Variants in NDUFA10 observed in about 807,000 individuals in gnomAD.
The protein encoded by NDUFA10 is NADH dehydrogenase [ubiquinone] 1 alpha subcomplex subunit 10, mitochondrial.
In NDUFA10, 40 loss-of-function variants were observed where a neutral mutation model predicts 47.8. That is an observed-to-expected ratio of 0.84 (90% confidence interval 0.65 to 1.09). The LOEUF is 1.09. Ranked by LOEUF, NDUFA10 falls within the 50% of genes least tolerant of loss-of-function variation. The pLI is 0.00. For missense variants in NDUFA10, 413 were observed against 451.1 expected (o/e 0.92, Z 0.76); for synonymous variants, 183 against 172.2 (o/e 1.06, Z -0.49).
Position 239,906,136 on chromosome 2 carries a change from G to A in NDUFA10, c.295-10822C>T, listed in dbSNP as rs904155714. Among the ~76,000 whole-genome samples the A allele has an allele frequency of 1.3e-5, 2 of 152,246 alleles. No individual in the cohort carries two copies. The highest frequency in any genetic ancestry group is 3.4e-3 in the Middle Eastern group (1 of 294). ...AGCTCATGACCTTCGGGGGCTCTGG[G>A]CGGGCCCTGCTCTGTGCCTAGATAT... On this transcript the variant is annotated intron_variant, in intron 4 of 5. Coordinates refer to the NDUFA10 transcript ENST00000419408. This position sits in a 1 kb window ranked among gnomAD's most constrained non-coding sequence, Gnocchi z 4.3.
chr2:239,967,189 G>A (rs1386577996), intron 9 of NDUFA10, among the ~76,000 whole-genome samples: 2 of 152,326 alleles, frequency 1.3e-5, no homozygotes, highest in South Asian at 4.1e-4. Flanking sequence ...ATTTAATAAC[G>A]CCAAGATGCT....
chr2:239,915,382 G>GAGATACAC (rs1693844065), intron 4 of NDUFA10, among the ~76,000 whole-genome samples: 2 of 101,826 alleles, frequency 2.0e-5, no homozygotes, highest in South Asian at 6.2e-4. Context: ...CACAGAGACA[G>GAGATACAC]AGATACACAT....
chr2:239,961,861 G>A (rs1694865580), intron 9 of NDUFA10, among the ~76,000 whole-genome samples: 1 of 152,226 alleles, frequency 6.6e-6, no homozygotes, highest in Non-Finnish European at 1.5e-5. Context: ...GGGGGGCTGA[G>A]CTTGGCAGTG....
intron 8 of NDUFA10, 87 bp from the exon 9 acceptor site, chr2:239,990,269 CA>C: frequency 9.3e-7 from 1 of 1,073,568 alleles, no homozygotes; most frequent in Non-Finnish European, 1.4e-6. Flanking sequence ...TTTAAACATC[CA>C]TATAAAAAAT....
chr2:239,973,053 G>A (rs1302196076), intron 9 of NDUFA10, among the ~76,000 whole-genome samples: 1 of 152,166 alleles, frequency 6.6e-6, no homozygotes, highest in Admixed American at 6.5e-5. Context: ...TCTTCTTCGA[G>A]GGACACATGC....
At chr2:240,022,399 T>G in intron 1 of NDUFA10, 59 bp from the exon 2 acceptor site, 1 of 1,609,300 alleles carries the variant, frequency 6.2e-7, no homozygotes, top group Admixed American at 1.7e-5. Context: ...CTGTAGGCAT[T>G]AGTAACTATT....
intron 4 of NDUFA10, among the ~76,000 whole-genome samples, chr2:239,903,988 C>A (rs74962610): frequency 0.017 from 2,553 of 152,284 alleles, 87 homozygotes; most frequent in African/African-American, 0.058. Flanking sequence ...AGCACAGAGT[C>A]CAGACGCCCT....
At chr2:240,006,617 A>G (rs1476914768) in intron 7 of NDUFA10, among the ~76,000 whole-genome samples, 1 of 152,268 alleles carries the variant, frequency 6.6e-6, no homozygotes, top group Non-Finnish European at 1.5e-5. Flanking sequence ...AAAATACAAA[A>G]TAAAAAACTT....
chr2:239,929,277 G>C (rs1694117879), intron 4 of NDUFA10, among the ~76,000 whole-genome samples: 1 of 152,204 alleles, frequency 6.6e-6, no homozygotes, highest in Non-Finnish European at 1.5e-5. Flanking sequence ...ATGGGTTACG[G>C]AGGACGGTAC....
intron 9 of NDUFA10, among the ~76,000 whole-genome samples, chr2:239,963,179 G>A (rs898302282): frequency 6.6e-6 from 1 of 152,344 alleles, no homozygotes; most frequent in African/African-American, 2.4e-5. Context: ...AGCTCCTTCA[G>A]GAGTTTGAAA....
chr2:239,984,318 T>C (rs1402372277), intron 9 of NDUFA10, among the ~76,000 whole-genome samples: 2 of 152,140 alleles, frequency 1.3e-5, no homozygotes, highest in East Asian at 1.9e-4. Context: ...CAGAAGAAGT[T>C]AATAAAATGG....
intron 4 of NDUFA10, among the ~76,000 whole-genome samples, chr2:239,949,140 G>T (rs1309399109): frequency 6.6e-6 from 1 of 152,196 alleles, no homozygotes; most frequent in Non-Finnish European, 1.5e-5. Context: ...GGGATTTTAA[G>T]GTAAAATCAA....
Position 239,960,210 on chromosome 2 carries a change from C to G in NDUFA10, c.*908G>C, listed in dbSNP as rs1694794003. ...ACAGTGGAGCTTTACAGTGGAAAAC[C>G]CACAGTTCAGTAGGACTCACAACTG... On this transcript the variant is annotated 3_prime_UTR_variant, in exon 10 of 10. Coordinates refer to ENST00000252711, the MANE Select transcript of NDUFA10 (RefSeq NM_004544.4). 4 of 985,066 alleles carry G rather than the reference C, an allele frequency of 4.1e-6. No homozygotes were observed. Among genetic ancestry groups the G allele is most frequent in the Non-Finnish European group, 4.8e-6 (4 of 829,916 alleles). The allele number at this position is 985,066 out of a possible 1,614,324, so 61.0% of individuals were successfully genotyped here. A position where few individuals can be genotyped will look rare whatever the true frequency, so the allele number is the denominator to read the frequency against.
intron 9 of NDUFA10, among the ~76,000 whole-genome samples, chr2:239,974,859 G>C (rs1695452494): frequency 7.4e-6 from 1 of 135,710 alleles, no homozygotes; most frequent in Non-Finnish European, 1.6e-5. Flanking sequence ...CAAAGAGCTG[G>C]TCATTTAAAA....
rs187722167 is a variant in NDUFA10, at chr2:239,944,084, C to G, written c.294+45990G>C. 2.7e-3 allele frequency among the ~76,000 whole-genome samples: 406 copies of G among 152,320 alleles called. 1 individual carries two copies. Among genetic ancestry groups the G allele is most frequent in the Middle Eastern group, 6.8e-3 (2 of 294 alleles). ...GGCTAGTCCTGTTGCTGGTCCTCCT[C>G]CAGGTGCAGGGCACCGGTGCCCGCA... On this transcript the variant is annotated intron_variant, in intron 4 of 5. Coordinates refer to the NDUFA10 transcript ENST00000419408.
chr2:239,934,642 T>C (rs4996007), intron 4 of NDUFA10, among the ~76,000 whole-genome samples: 46,678 of 152,062 alleles, frequency 0.31, 7,592 homozygotes, highest in East Asian at 0.42. Context: ...TGAAGCTGCA[T>C]GTGATTAGTA....
intron 4 of NDUFA10, among the ~76,000 whole-genome samples, chr2:239,950,502 T>C (rs1358685804): frequency 6.6e-6 from 1 of 152,264 alleles, no homozygotes; most frequent in African/African-American, 2.4e-5. Flanking sequence ...ATCTGAAGTG[T>C]AGATGTAAAC....
chr2:240,005,353 A>T, intron 7 of NDUFA10, 58 bp from the exon 8 acceptor site: 1 of 1,452,490 alleles, frequency 6.9e-7, no homozygotes, highest in South Asian at 1.1e-5. Flanking sequence ...ATTTAAATGA[A>T]ATAACTTTTT....
At position 240,015,085 on chromosome 2, in the gene NDUFA10, C is replaced by T. The variant is rs535117214; in HGVS notation, c.548-225G>A. Among the ~76,000 whole-genome samples the T allele has an allele frequency of 3.3e-5, 5 of 152,368 alleles. No homozygotes were observed. In the East Asian group the frequency reaches 7.7e-4, roughly 23 times the overall value. On this transcript the variant is annotated intron_variant, in intron 4 of 9. Transcript: ENST00000252711. ...GTGCAGACAGCAGCTGTGGTGCCCA[C>T]AACCCTGAAAACAGGGCTTGTCGCC...
Sources: gnomAD v4.1 joint callset for allele counts (sites outside exome capture counted in the v4.1 genomes callset) on GRCh38, gnomAD v4.1.1 for gene constraint, Gnocchi (gnomAD v3.1) non-coding constraint, MANE v1.5 for transcripts, NCBI Gene and HGNC (gene_info 2026-07-23, HGNC 2026-07-21) for gene names.